The following EFNA5 variants were observed in gnomAD, a reference collection of about 807,000 sequenced individuals.
The protein encoded by EFNA5 is ephrin A5.
Under a neutral mutation model 22.9 loss-of-function variants are expected in EFNA5, and 5 were observed. The observed-to-expected ratio is 0.22, with a 90% confidence interval of 0.11 to 0.46. EFNA5 has a LOEUF of 0.46. EFNA5 is among the 20% of genes least tolerant of loss of function. EFNA5 has a pLI of 0.99. For missense variants in EFNA5, 237 were observed against 293.3 expected, an observed-to-expected ratio of 0.81 and a Z score of 1.40; for synonymous variants, 113 against 112.2, an observed-to-expected ratio of 1.01 and a Z score of -0.04.
intron 1 of EFNA5, among the ~76,000 whole-genome samples, chr5:107,587,130 C>G (rs983502262): frequency 6.6e-6 from 1 of 152,166 alleles, no homozygotes; most frequent in African/African-American, 2.4e-5. Flanking sequence ...AATTTTCTAT[C>G]TAAAATCCTA....
At chr5:107,556,447 TAATA>T (rs1269710750) in intron 1 of EFNA5, among the ~76,000 whole-genome samples, 1 of 152,160 alleles carries the variant, frequency 6.6e-6, no homozygotes, top group East Asian at 1.9e-4. Flanking sequence ...ATAGTCTTCT[TAATA>T]AATAAATATC....
chr5:107,458,449 T>A (rs1195171861), intron 1 of EFNA5, among the ~76,000 whole-genome samples: 3 of 151,134 alleles, frequency 2.0e-5, no homozygotes, highest in African/African-American at 7.3e-5. Flanking sequence ...CTTACCCGAG[T>A]CAAAGTTTGA....
At position 107,658,095 on chromosome 5, in the gene EFNA5, A is replaced by T. The variant is rs181781832; in HGVS notation, c.125+12394T>A. On this transcript the variant is annotated intron_variant, in intron 1 of 4. Transcript: ENST00000333274. ...ACGCATTTTGTCCCAAGTCTTTTAT[A>T]ACTCCATTGAAATTACAGGCTCCTG... 8.4e-4 allele frequency among the ~76,000 whole-genome samples: 128 copies of T among 152,296 alleles called. 1 individual carries two copies. Among genetic ancestry groups the T allele is most frequent in the African/African-American group, 2.9e-3 (122 of 41,578 alleles).
At chr5:107,431,262 G>T (rs893395901) in intron 1 of EFNA5, among the ~76,000 whole-genome samples, 1 of 152,098 alleles carries the variant, frequency 6.6e-6, no homozygotes, top group African/African-American at 2.4e-5. Context: ...GCTATATAAC[G>T]TACTCAAGTA....
At chr5:107,459,021 T>C (rs577970949) in intron 1 of EFNA5, among the ~76,000 whole-genome samples, 13 of 152,322 alleles carry the variant, frequency 8.5e-5, no homozygotes, top group African/African-American at 3.1e-4. Context: ...AACGTATACC[T>C]GACAATTCTT....
intron 2 of EFNA5, among the ~76,000 whole-genome samples, chr5:107,417,516 A>AT (rs1748533946): frequency 6.6e-6 from 1 of 152,182 alleles, no homozygotes; most frequent in African/African-American, 2.4e-5. Context: ...CAGAAACCAT[A>AT]TTTCAAGCCC....
intron 1 of EFNA5, among the ~76,000 whole-genome samples, chr5:107,496,147 G>A (rs1274042479): frequency 2.2e-5 from 3 of 135,890 alleles, no homozygotes; most frequent in Admixed American, 7.8e-5. Context: ...CCAACATGGT[G>A]AAACCCCTGT....
chr5:107,420,522 T>TAAAAAA (rs368304882), intron 2 of EFNA5, among the ~76,000 whole-genome samples: 2 of 109,066 alleles, frequency 1.8e-5, no homozygotes, highest in Admixed American at 1.0e-4. Context: ...TCTGTGCTTT[T>TAAAAAA]AAAAAAAAAA....
chr5:107,428,873 CA>C (rs1166737925), intron 1 of EFNA5, among the ~76,000 whole-genome samples: 2 of 152,146 alleles, frequency 1.3e-5, no homozygotes, highest in Non-Finnish European at 1.5e-5. Context: ...CCTGGAATTA[CA>C]AAAAACAAAT....
chr5:107,482,792 G>A (rs1359498099), intron 1 of EFNA5, among the ~76,000 whole-genome samples: 2 of 131,928 alleles, frequency 1.5e-5, no homozygotes, highest in Admixed American at 7.8e-5. Context: ...TTTCTTTTTG[G>A]CTGCTCTCTC....
intron 1 of EFNA5, among the ~76,000 whole-genome samples, chr5:107,491,208 C>T (rs1202413531): frequency 6.6e-6 from 1 of 152,160 alleles, no homozygotes; most frequent in Non-Finnish European, 1.5e-5. Flanking sequence ...AGGACAAGTC[C>T]CCACCTCCAG....
intron 1 of EFNA5, among the ~76,000 whole-genome samples, chr5:107,454,858 G>A (rs900166734): frequency 6.6e-6 from 1 of 152,222 alleles, no homozygotes; most frequent in Non-Finnish European, 1.5e-5. Context: ...TTTCCACTGT[G>A]GCTATGAGAG....
chr5:107,428,052 A>G (rs1019737435), intron 1 of EFNA5, among the ~76,000 whole-genome samples: 46 of 152,212 alleles, frequency 3.0e-4, no homozygotes, highest in Admixed American at 2.4e-3. Flanking sequence ...ATAACATTTT[A>G]CAGTTAGAAA....
chr5:107,640,954 TGGTA>T (rs55878264), intron 1 of EFNA5, among the ~76,000 whole-genome samples: 1 of 149,246 alleles, frequency 6.7e-6, no homozygotes, highest in South Asian at 2.2e-4. Flanking sequence ...TTTAGCAACC[TGGTA>T]GGTAGGTAGG....
rs1747350862 is a variant in EFNA5 at position 107,378,919 on chromosome 5, T to C, written c.*2336A>G. Reference sequence around the variant, plus strand: ...AACATGCTGTATTATTTTGGTTCTATTGATCCATTTTAGAAGGTATCTTTC... The same window carrying C: ...AACATGCTGTATTATTTTGGTTCTACTGATCCATTTTAGAAGGTATCTTTC... On this transcript the variant is annotated 3_prime_UTR_variant, in exon 5 of 5. Transcript: ENST00000333274. 6.6e-6 allele frequency: 1 copy of C among 152,166 alleles called. No individual in the cohort carries two copies. Among genetic ancestry groups the C allele is most frequent in the Non-Finnish European group, 1.5e-5 (1 of 68,040 alleles). The allele number at this position is 152,166 out of a possible 1,614,324, so 9.4% of individuals were successfully genotyped here.
intron 1 of EFNA5, among the ~76,000 whole-genome samples, chr5:107,483,210 T>C (rs1393331478): frequency 6.6e-6 from 1 of 152,168 alleles, no homozygotes; most frequent in African/African-American, 2.4e-5. Context: ...ATGTTGTTGT[T>C]GTTTTTTTCC....
At chr5:107,578,687 AG>A (rs749733767) in intron 1 of EFNA5, among the ~76,000 whole-genome samples, 5 of 152,308 alleles carry the variant, frequency 3.3e-5, no homozygotes, top group Non-Finnish European at 7.3e-5. Context: ...TGATGGTGAC[AG>A]ACTTTTGTTC....
At chr5:107,555,238 C>T (rs192457965) in intron 1 of EFNA5, among the ~76,000 whole-genome samples, 1 of 152,328 alleles carries the variant, frequency 6.6e-6, no homozygotes, top group East Asian at 1.9e-4. Flanking sequence ...CAGGCAATTT[C>T]ATTATCTTGC....
chr5:107,621,533 T>C lies in EFNA5; in HGVS notation c.125+48956A>G, dbSNP rs547749601. ...ATATCTGATTATATGAGGGAAGCCA[T>C]GGAACACAAAGCTGTAGAAAACGCA... On this transcript the variant is annotated intron_variant, in intron 1 of 4. Transcript: ENST00000333274. Among the ~76,000 whole-genome samples the C allele has an allele frequency of 6.6e-5, 10 of 152,308 alleles. No individual in the cohort carries two copies. The South Asian group carries it at 1.7e-3, about 25-fold the overall frequency.
Sources: allele counts gnomAD v4.1 joint callset (sites outside exome capture counted in the v4.1 genomes callset), GRCh38; gene constraint gnomAD v4.1.1; transcripts MANE v1.5; gene names NCBI Gene and HGNC (gene_info 2026-07-23, HGNC 2026-07-21).